Variants in BRD4 observed in about 807,000 individuals in gnomAD.
BRD4 encodes the protein bromodomain containing 4, also known as bromodomain-containing protein 4.
Under a neutral mutation model 142.1 loss-of-function variants are expected in BRD4, and 16 were observed. The observed-to-expected ratio is 0.11, with a 90% confidence interval of 0.08 to 0.17. The LOEUF is 0.17. Among genes scored for constraint, BRD4 ranks in the 10% least tolerant of loss-of-function variants. BRD4 has a pLI of 1.00. For synonymous variants in BRD4, 833 were observed against 707.5 expected (o/e 1.18, Z -2.82); for missense variants, 1,424 against 1,810.9 (o/e 0.79, Z 3.88).
At chr19:15,293,452 T>C (rs2047799588) in intron 1 of BRD4, among the ~76,000 whole-genome samples, 1 of 152,140 alleles carries the variant, frequency 6.6e-6, no homozygotes, top group Non-Finnish European at 1.5e-5. Flanking sequence ...GGCAACTCGA[T>C]AGCAGGAAAG....
intron 2 of BRD4, among the ~76,000 whole-genome samples, chr19:15,269,295 A>G (rs1599469742): frequency 2.0e-5 from 3 of 152,276 alleles, no homozygotes; most frequent in East Asian, 3.8e-4. Context: ...TCTATCTTGA[A>G]ATAGGCTGCC....
At chr19:15,304,660 G>A (rs2047898317) in intron 1 of BRD4, among the ~76,000 whole-genome samples, 2 of 152,176 alleles carry the variant, frequency 1.3e-5, no homozygotes, top group Non-Finnish European at 2.9e-5. Context: ...GCTTAGGGAA[G>A]AAGGTTGGAC....
intron 1 of BRD4, among the ~76,000 whole-genome samples, chr19:15,318,448 GA>G (rs1424676157): frequency 1.3e-5 from 2 of 152,184 alleles, no homozygotes; most frequent in African/African-American, 2.4e-5. Context: ...AGGATGTGAG[GA>G]GAAAGAGAGT....
At chr19:15,305,023 C>CTTTTT (rs34235278) in intron 1 of BRD4, among the ~76,000 whole-genome samples, 1 of 126,416 alleles carries the variant, frequency 7.9e-6, no homozygotes, top group Non-Finnish European at 1.6e-5. Context: ...TTAAGACCAT[C>CTTTTT]TTTTTTTTTT....
intron 1 of BRD4, among the ~76,000 whole-genome samples, chr19:15,330,467 T>C (rs2048147421): frequency 6.6e-6 from 1 of 152,152 alleles, no homozygotes; most frequent in Non-Finnish European, 1.5e-5. Flanking sequence ...AAATAAATGC[T>C]TTATGAAATT....
At chr19:15,285,626 T>TA (rs1447446771) in intron 1 of BRD4, among the ~76,000 whole-genome samples, 1 of 152,196 alleles carries the variant, frequency 6.6e-6, no homozygotes, top group Non-Finnish European at 1.5e-5. Context: ...AATAAAGCCT[T>TA]AGACTAGGGT....
intron 1 of BRD4, among the ~76,000 whole-genome samples, chr19:15,307,386 A>G (rs191575742): frequency 6.6e-6 from 1 of 152,304 alleles, no homozygotes; most frequent in East Asian, 1.9e-4. Flanking sequence ...TCAAAGATTA[A>G]GCAACCTGCT....
chr19:15,266,885 T>A (rs1048358097), intron 4 of BRD4, among the ~76,000 whole-genome samples: 4 of 152,186 alleles, frequency 2.6e-5, no homozygotes, highest in African/African-American at 7.2e-5. Context: ...CTCTGCCAGC[T>A]GGCCCCTGGA....
chr19:15,304,857 A>AC (rs750990145), intron 1 of BRD4, among the ~76,000 whole-genome samples: 1 of 151,932 alleles, frequency 6.6e-6, no homozygotes, highest in Admixed American at 6.6e-5. Flanking sequence ...CTCACCTTAT[A>AC]CCCCCAAAAA....
chr19:15,331,971 G>A (rs112274307), intron 1 of BRD4: 2 of 30,926 alleles, frequency 6.5e-5, no homozygotes, highest in South Asian at 8.6e-4. Flanking sequence ...CGCCGGCCCC[G>A]CCGCGGCGCC....
At chr19:15,246,494 C>G (rs564020171) in intron 11 of BRD4, 1 of 152,500 alleles carries the variant, frequency 6.6e-6, no homozygotes, top group African/African-American at 2.4e-5. Flanking sequence ...GTGTGAAGTC[C>G]GACTAGGAGA....
At chr19:15,309,057 C>T (rs1214377973) in intron 1 of BRD4, among the ~76,000 whole-genome samples, 2 of 151,326 alleles carry the variant, frequency 1.3e-5, no homozygotes, top group African/African-American at 4.9e-5. Flanking sequence ...AACTTTAGGG[C>T]CGGGTGCGGT....
At chr19:15,330,573 C>G (rs1312596896) in intron 1 of BRD4, among the ~76,000 whole-genome samples, 1 of 152,126 alleles carries the variant, frequency 6.6e-6, no homozygotes, top group Non-Finnish European at 1.5e-5. Flanking sequence ...CGAGACCAGC[C>G]TGGCCAACAT....
chr19:15,313,081 G>A (rs911474844), intron 1 of BRD4, among the ~76,000 whole-genome samples: 2 of 151,484 alleles, frequency 1.3e-5, no homozygotes, highest in African/African-American at 4.9e-5. Flanking sequence ...AAAAAAAAGT[G>A]TGAATTGTGG....
chr19:15,330,639 C>T (rs1490147093), intron 1 of BRD4, among the ~76,000 whole-genome samples: 6 of 151,936 alleles, frequency 3.9e-5, no homozygotes, highest in African/African-American at 1.5e-4. Flanking sequence ...TGGTGGCGGG[C>T]GCCTGTAGTC....
intron 1 of BRD4, among the ~76,000 whole-genome samples, chr19:15,284,423 T>G (rs2047726211): frequency 6.6e-6 from 1 of 152,130 alleles, no homozygotes; most frequent in South Asian, 2.1e-4. Context: ...GACCAGTCAG[T>G]GAGAGCTGAC....
Position 15,251,661 on chromosome 19 carries a change from C to T in BRD4, c.2158+2491G>A, listed in dbSNP as rs191599887. On this transcript the variant is annotated intron_variant, in intron 11 of 19. Coordinates refer to ENST00000679869, the MANE Select transcript of BRD4 (RefSeq NM_001379291.1). ...CGCCCTGAGAGTGCAGAGTCCTGTG[C>T]GGGACAGGGCAGCAGAAGGCTGTAT... is the stretch of plus-strand genomic sequence containing the variant. Among the ~76,000 whole-genome samples, 343 of 152,232 alleles carry T rather than the reference C, an allele frequency of 2.3e-3. 2 individuals carry two copies. The highest frequency in any genetic ancestry group is 1.4e-3 in the Non-Finnish European group (93 of 68,016).
intron 1 of BRD4, among the ~76,000 whole-genome samples, chr19:15,285,031 G>C (rs904489525): frequency 2.6e-5 from 4 of 152,166 alleles, no homozygotes; most frequent in Non-Finnish European, 4.4e-5. Flanking sequence ...CCTCTCTCCA[G>C]CCCCTGCAGG....
chr19:15,250,002 T>C (rs1419622819), intron 11 of BRD4, among the ~76,000 whole-genome samples: 2 of 152,124 alleles, frequency 1.3e-5, no homozygotes, highest in Non-Finnish European at 2.9e-5. Context: ...GTATCCAACA[T>C]GGCTCCCTGG....
Sources: allele counts gnomAD v4.1 joint callset (sites outside exome capture counted in the v4.1 genomes callset), GRCh38; gene constraint gnomAD v4.1.1; transcripts MANE v1.5; gene names NCBI Gene and HGNC (gene_info 2026-07-23, HGNC 2026-07-21).